The following STPG2 variants were observed in gnomAD, a reference collection of about 807,000 sequenced individuals.
STPG2 encodes the protein sperm tail PG-rich repeat containing 2.
STPG2 carries 56 observed loss-of-function variants against 54.2 expected under a neutral mutation model. The observed-to-expected ratio is 1.03, with a 90% CI of 0.83 to 1.29. The LOEUF (loss-of-function observed/expected upper bound fraction) is 1.29. Ranked by LOEUF, STPG2 falls within the 50% of genes most tolerant of loss-of-function variation. The pLI, the probability that STPG2 is intolerant of heterozygous loss-of-function variation, is 0.00. For missense variants in STPG2, 596 were observed against 544.9 expected (o/e 1.09, Z -0.93); for synonymous variants, 200 against 181.8 (o/e 1.10, Z -0.81).
At chr4:97,736,982 TCA>T (rs979773538) in intron 9 of STPG2, among the ~76,000 whole-genome samples, 1 of 152,064 alleles carries the variant, frequency 6.6e-6, no homozygotes, top group African/African-American at 2.4e-5. Flanking sequence ...GACTGACACC[TCA>T]CACGGCCGGG....
At chr4:97,906,219 C>A (rs1172309817) in intron 8 of STPG2, among the ~76,000 whole-genome samples, 1 of 152,176 alleles carries the variant, frequency 6.6e-6, no homozygotes, top group Non-Finnish European at 1.5e-5. Context: ...AAACTACTAT[C>A]AGAGAATACT....
At chr4:98,031,084 G>A (rs2149299878) in intron 5 of STPG2, among the ~76,000 whole-genome samples, 1 of 152,216 alleles carries the variant, frequency 6.6e-6, no homozygotes, top group African/African-American at 2.4e-5. Context: ...GAACAGAATA[G>A]AGAACCCAGA....
chr4:97,470,033 C>T (rs996263707), intron 4 of STPG2, among the ~76,000 whole-genome samples: 2 of 152,018 alleles, frequency 1.3e-5, no homozygotes, highest in Admixed American at 6.6e-5. Context: ...CCTTATGTAA[C>T]AGTGAATCCT....
At chr4:98,130,468 C>A (rs189484242) in intron 2 of STPG2, among the ~76,000 whole-genome samples, 1,936 of 152,218 alleles carry the variant, frequency 0.013, 33 homozygotes, top group African/African-American at 0.044. Context: ...CAGGCATAAG[C>A]CACCACACCC....
chr4:97,452,543 C>T (rs1007404014), intron 4 of STPG2, among the ~76,000 whole-genome samples: 2 of 152,124 alleles, frequency 1.3e-5, no homozygotes, highest in Non-Finnish European at 2.9e-5. Flanking sequence ...CCATAAAAGC[C>T]CCAGGCTCAG....
At chr4:97,737,461 G>C (rs527444636) in intron 9 of STPG2, among the ~76,000 whole-genome samples, 1 of 152,182 alleles carries the variant, frequency 6.6e-6, no homozygotes, top group South Asian at 2.1e-4. Flanking sequence ...TAAAAACTTT[G>C]AAAAAAATTT....
chr4:97,661,714 A>G (rs1471940612), intron 10 of STPG2, among the ~76,000 whole-genome samples: 1 of 151,934 alleles, frequency 6.6e-6, no homozygotes. Flanking sequence ...TTAATAGGGG[A>G]GAAAAGGCCA....
chr4:97,470,022 T>C (rs1729884358), intron 4 of STPG2, among the ~76,000 whole-genome samples: 1 of 152,080 alleles, frequency 6.6e-6, no homozygotes, highest in African/African-American at 2.4e-5. Context: ...GTAAAAAATA[T>C]CCTTATGTAA....
intron 5 of STPG2, among the ~76,000 whole-genome samples, chr4:98,046,653 T>A (rs1045195397): frequency 3.3e-5 from 5 of 151,932 alleles, no homozygotes; most frequent in Non-Finnish European, 7.4e-5. Context: ...AGTTGAGGAG[T>A]TAGACATGTG....
At chr4:97,687,371 T>G (rs1315141396) in intron 10 of STPG2, among the ~76,000 whole-genome samples, 1 of 151,926 alleles carries the variant, frequency 6.6e-6, no homozygotes, top group Non-Finnish European at 1.5e-5. Flanking sequence ...TCACCTAGGC[T>G]GGAGTGCAGT....
intron 9 of STPG2, among the ~76,000 whole-genome samples, chr4:97,733,408 G>A (rs1013647626): frequency 1.3e-5 from 2 of 152,058 alleles, no homozygotes; most frequent in Admixed American, 6.6e-5. Context: ...AAGTCATACA[G>A]AGTGATATAA....
chr4:97,568,321 G>T (rs1732507617), intron 10 of STPG2, among the ~76,000 whole-genome samples: 1 of 152,128 alleles, frequency 6.6e-6, no homozygotes, highest in Admixed American at 6.5e-5. Flanking sequence ...GAATAAATGT[G>T]TTGTTGATTT....
At chr4:97,729,851 TG>T (rs1347324088) in intron 9 of STPG2, among the ~76,000 whole-genome samples, 1 of 151,118 alleles carries the variant, frequency 6.6e-6, no homozygotes, top group Non-Finnish European at 1.5e-5. Context: ...CTATTGTAAA[TG>T]GGATTTTTTT....
chr4:97,539,141 G>A (rs1731623212), intron 4 of STPG2, among the ~76,000 whole-genome samples: 1 of 152,124 alleles, frequency 6.6e-6, no homozygotes. Context: ...CAACTAACGA[G>A]CAAAATAACC....
chr4:97,766,214 A>G (rs1004151245), intron 9 of STPG2, among the ~76,000 whole-genome samples: 1 of 152,086 alleles, frequency 6.6e-6, no homozygotes, highest in African/African-American at 2.4e-5. Flanking sequence ...ACTGTCCTTT[A>G]TGTCTTGGTT....
chr4:97,450,690 T>A (rs767485827), intron 4 of STPG2, among the ~76,000 whole-genome samples: 4 of 152,158 alleles, frequency 2.6e-5, no homozygotes, highest in African/African-American at 9.7e-5. Context: ...CGGAGCAAGA[T>A]AGGCCTCATG....
intron 1 of STPG2, among the ~76,000 whole-genome samples, chr4:98,139,139 G>C (rs1315053231): frequency 1.3e-5 from 2 of 152,150 alleles, no homozygotes; most frequent in Non-Finnish European, 2.9e-5. Context: ...CATGAAAGCA[G>C]AAAGAAAAGC....
At chr4:98,125,218 G>A (rs1739795817) in intron 3 of STPG2, among the ~76,000 whole-genome samples, 1 of 152,168 alleles carries the variant, frequency 6.6e-6, no homozygotes, top group Non-Finnish European at 1.5e-5. Context: ...TGTCCTTGCT[G>A]AAGAGGTATT....
chr4:97,831,515 C>G (rs1728460429), intron 9 of STPG2, among the ~76,000 whole-genome samples: 1 of 151,908 alleles, frequency 6.6e-6, no homozygotes, highest in East Asian at 1.9e-4. Context: ...CAAGAAATAA[C>G]TAAGATCAGA....
Sources: allele counts gnomAD v4.1 joint callset (sites outside exome capture counted in the v4.1 genomes callset), GRCh38; gene constraint gnomAD v4.1.1; transcripts MANE v1.5; gene names NCBI Gene and HGNC (gene_info 2026-07-23, HGNC 2026-07-21).